Variants in SAMD3 observed in about 807,000 individuals in gnomAD.
SAMD3 encodes sterile alpha motif domain containing 3.
In SAMD3, 63 loss-of-function variants were observed where a neutral mutation model predicts 58.5. The observed-to-expected ratio is 1.08, with a 90% confidence interval of 0.88 to 1.33. SAMD3 has a LOEUF of 1.33. Ranked by LOEUF, SAMD3 falls within the 40% of genes most tolerant of loss-of-function variation. The pLI, the probability that SAMD3 is intolerant of heterozygous loss-of-function variation, is 0.00. For synonymous variants in SAMD3, 220 were observed against 210.3 expected, an observed-to-expected ratio of 1.05 and a Z score of -0.40; for missense variants, 604 against 608.4, an observed-to-expected ratio of 0.99 and a Z score of 0.08.
rs538974449 is a variant in SAMD3 at position 130,231,797 on chromosome 6, G to A, written c.-187-8984C>T. On this transcript the variant is annotated intron_variant, in intron 2 of 13. Transcript: ENST00000368134. ...TCAGGAATATTCAGTCAAAAGGTAT[G>A]AACAATTATAGTTTGTTTTTTTTTC... is the stretch of plus-strand genomic sequence containing the variant. Among the ~76,000 whole-genome samples the A allele has an allele frequency of 1.0e-3, 154 of 152,128 alleles. 2 individuals are homozygous for A. Among genetic ancestry groups the A allele is most frequent in the African/African-American group, 3.5e-3 (147 of 41,522 alleles).
At chr6:130,260,403 CT>C (rs1357152661) in intron 2 of SAMD3, among the ~76,000 whole-genome samples, 4 of 152,174 alleles carry the variant, frequency 2.6e-5, no homozygotes, top group African/African-American at 9.7e-5. Context: ...CATGCAGCCC[CT>C]GTCACGTACC....
intron 2 of SAMD3, among the ~76,000 whole-genome samples, chr6:130,310,425 T>A (rs959904728): frequency 1.3e-5 from 2 of 152,220 alleles, no homozygotes; most frequent in South Asian, 4.1e-4. Context: ...CAAGGTTAAT[T>A]ACCTCTGCCT....
intron 2 of SAMD3, among the ~76,000 whole-genome samples, chr6:130,308,385 A>ATTCTATTCT (rs1562512969): frequency 1.9e-4 from 27 of 139,838 alleles, no homozygotes; most frequent in South Asian, 4.6e-4. Flanking sequence ...ATTCTATTCT[A>ATTCTATTCT]TTCTATTCTA....
chr6:130,264,955 G>C (rs1774285952), intron 2 of SAMD3, among the ~76,000 whole-genome samples: 1 of 152,156 alleles, frequency 6.6e-6, no homozygotes, highest in Admixed American at 6.5e-5. Flanking sequence ...GTTTCCAAAG[G>C]CTGGCCCCCA....
At chr6:130,271,551 G>A (rs1774563839) in intron 2 of SAMD3, among the ~76,000 whole-genome samples, 1 of 151,952 alleles carries the variant, frequency 6.6e-6, no homozygotes, top group South Asian at 2.1e-4. Context: ...TATATATTTA[G>A]AAAATAATAT....
chr6:130,278,415 T>C (rs1774860437), intron 2 of SAMD3, among the ~76,000 whole-genome samples: 1 of 152,212 alleles, frequency 6.6e-6, no homozygotes. Context: ...TCCCCTGTCT[T>C]GATAAAACAG....
intron 2 of SAMD3, among the ~76,000 whole-genome samples, chr6:130,298,089 C>G (rs1054673123): frequency 2.6e-5 from 4 of 152,100 alleles, no homozygotes; most frequent in African/African-American, 4.8e-5. Flanking sequence ...ATCAGACTAT[C>G]CAAGGTCAAT....
At chr6:130,268,826 T>C (rs1774453448) in intron 2 of SAMD3, among the ~76,000 whole-genome samples, 1 of 152,208 alleles carries the variant, frequency 6.6e-6, no homozygotes, top group Admixed American at 6.5e-5. Context: ...TCAGAATGTA[T>C]CTCTGCCATT....
At chr6:130,166,689 G>A (rs540433853) in intron 8 of SAMD3, among the ~76,000 whole-genome samples, 117 of 152,286 alleles carry the variant, frequency 7.7e-4, no homozygotes, top group African/African-American at 2.7e-3. Flanking sequence ...ACAAGAAAAA[G>A]ATGCAAACCC....
At position 130,144,616 on chromosome 6, in the gene SAMD3, G is replaced by T. The variant is rs1788443709; in HGVS notation, c.1467C>A (p.Asn489Lys). 6.2e-7 allele frequency: 1 copy of T among 1,614,026 alleles called. No individual in the cohort carries two copies. Among genetic ancestry groups the T allele is most frequent in the East Asian group, 2.2e-5 (1 of 44,870 alleles). ...ECPRRLSQTF[N>K]FLETLIFDMH... ...TATCGAAAATCAGCGTTTCTAGGAA[G>T]TTGAAAGTTTGGGACAGTCTTCTTG... The change falls in exon 12 of 12, where the codon AAC becomes AAA. Residue 489 changes from asparagine to lysine, a missense_variant. By Grantham distance (94) the Asn-to-Lys change is moderately conservative (BLOSUM62 0). Coordinates refer to ENST00000439090, the MANE Select transcript of SAMD3 (RefSeq NM_001017373.4).
intron 1 of SAMD3, among the ~76,000 whole-genome samples, chr6:130,323,773 A>G (rs1459892987): frequency 7.7e-6 from 1 of 129,642 alleles, no homozygotes; most frequent in Non-Finnish European, 1.5e-5. Context: ...ACTATACTGC[A>G]GCCTGGGTCA....
At chr6:130,294,744 C>T (rs1448764643) in intron 2 of SAMD3, among the ~76,000 whole-genome samples, 1 of 151,560 alleles carries the variant, frequency 6.6e-6, no homozygotes, top group Non-Finnish European at 1.5e-5. Flanking sequence ...CGAATGCCTC[C>T]AAGTCCTTCA....
chr6:130,239,894 C>G (rs1263316137), intron 2 of SAMD3, among the ~76,000 whole-genome samples: 1 of 152,162 alleles, frequency 6.6e-6, no homozygotes, highest in Non-Finnish European at 1.5e-5. Context: ...TAGTTGAGAC[C>G]AGGGCTCCCT....
At chr6:130,198,710 G>T (rs1794371503) in intron 5 of SAMD3, among the ~76,000 whole-genome samples, 1 of 152,158 alleles carries the variant, frequency 6.6e-6, no homozygotes, top group African/African-American at 2.4e-5. Context: ...CAGATCTAGA[G>T]ACTGAGGTGG....
chr6:130,284,753 G>A (rs1444962097), intron 2 of SAMD3, among the ~76,000 whole-genome samples: 1 of 152,032 alleles, frequency 6.6e-6, no homozygotes, highest in Non-Finnish European at 1.5e-5. Context: ...ACTCGGAGAG[G>A]GATAGCATTA....
chr6:130,164,395 C>T (rs1582763339), intron 8 of SAMD3, among the ~76,000 whole-genome samples: 2 of 152,262 alleles, frequency 1.3e-5, no homozygotes, highest in East Asian at 3.9e-4. Context: ...ATGGCAGTAA[C>T]TCTCATATAT....
At chr6:130,153,135 G>A (rs749484675) in intron 9 of SAMD3, among the ~76,000 whole-genome samples, 19 of 152,156 alleles carry the variant, frequency 1.2e-4, no homozygotes, top group Non-Finnish European at 2.4e-4. Flanking sequence ...ATATTAACAC[G>A]TGCTCCCTAC....
intron 8 of SAMD3, among the ~76,000 whole-genome samples, chr6:130,174,493 A>G (rs901185159): frequency 6.6e-6 from 1 of 152,110 alleles, no homozygotes; most frequent in African/African-American, 2.4e-5. Context: ...CATTGGACCC[A>G]TTGCCTAACC....
chr6:130,233,228 A>C (rs1796594768), intron 2 of SAMD3, among the ~76,000 whole-genome samples: 1 of 152,170 alleles, frequency 6.6e-6, no homozygotes, highest in Admixed American at 6.5e-5. Context: ...AGCATCACAG[A>C]ACTCATTTAA....
Sources: gnomAD v4.1 joint callset for allele counts (sites outside exome capture counted in the v4.1 genomes callset) on GRCh38, gnomAD v4.1.1 for gene constraint, MANE v1.5 for transcripts, NCBI Gene and HGNC (gene_info 2026-07-23, HGNC 2026-07-21) for gene names.